The following MAVS variants were observed in gnomAD, a reference collection of about 807,000 sequenced individuals.
MAVS encodes the protein mitochondrial antiviral signaling protein, also known as mitochondrial antiviral-signaling protein.
MAVS carries 20 observed loss-of-function variants against 30.2 expected under a neutral mutation model. The observed-to-expected ratio is 0.66, with a 90% CI of 0.47 to 0.96. The LOEUF (loss-of-function observed/expected upper bound fraction) is 0.96, where lower values mean the gene tolerates loss of function less well. MAVS is among the 40% of genes least tolerant of loss of function. MAVS has a pLI of 0.00. For missense variants in MAVS, 624 were observed against 701.1 expected, an observed-to-expected ratio of 0.89 and a Z score of 1.24; for synonymous variants, 278 against 293.9, an observed-to-expected ratio of 0.95 and a Z score of 0.55.
rs577068943 is a variant in MAVS at position 3,863,890 on chromosome 20, G to C, written c.626-366G>C. Among the ~76,000 whole-genome samples, 38 of 152,308 alleles carry C rather than the reference G, an allele frequency of 2.5e-4. 1 individual carries two copies. The highest frequency in any genetic ancestry group is 9.1e-4 in the African/African-American group (38 of 41,574). On this transcript the variant is annotated intron_variant, in intron 5 of 6. Coordinates refer to ENST00000428216, the MANE Select transcript of MAVS (RefSeq NM_020746.5). ...TGGTAGGAGAGGGACAGCAGTGGGGGAAGTGTCCAGGATTGCATGAGGCTA... is the reference window on the plus strand; with the variant it reads ...TGGTAGGAGAGGGACAGCAGTGGGGCAAGTGTCCAGGATTGCATGAGGCTA...
Position 3,872,954 on chromosome 20 carries a change from G to A in MAVS, c.*6807G>A, listed in dbSNP as rs1295730003. 4 of 152,376 alleles carry A rather than the reference G, an allele frequency of 2.6e-5. No homozygotes were observed. The highest frequency in any genetic ancestry group is 9.7e-5 in the African/African-American group (4 of 41,432). The allele number at this position is 152,376 out of a possible 1,614,324, so 9.4% of individuals were successfully genotyped here. ...ACAGTAGGGGGTGGTTTAATGGAGT[G>A]TTCCTGGAATATGAAGTGGGGGCAG... On this transcript the variant is annotated 3_prime_UTR_variant, in exon 7 of 7. Transcript: ENST00000428216.
At chr20:3,862,111 C>G in intron 4 of MAVS, 143 bp from the exon 5 acceptor site, 1 of 893,768 alleles carries the variant, frequency 1.1e-6, no homozygotes. Context: ...CTGGGAATTA[C>G]CAGAACCCAG....
In MAVS at chr20:3,868,250, C is replaced by T. The variant is rs2089924477; in HGVS notation, c.*2103C>T. 1 of 152,460 alleles carries T rather than the reference C, an allele frequency of 6.6e-6. No homozygotes were observed. The highest frequency in any genetic ancestry group is 2.1e-4 in the South Asian group (1 of 4,830). The allele number at this position is 152,460 out of a possible 1,614,324, so 9.4% of individuals were successfully genotyped here. A position where few individuals can be genotyped will look rare whatever the true frequency, so the allele number is the denominator to read the frequency against. The stretch of plus-strand genomic sequence containing the variant: ...CCCTACCCTAAACCCCAGTTAGGTA[C>T]CCATGCTGGGCAGGTCAGTTAACAA... On this transcript the variant is annotated 3_prime_UTR_variant, in exon 7 of 7. Transcript: ENST00000428216.
chr20:3,859,703 G>A (rs980739891), intron 3 of MAVS, among the ~76,000 whole-genome samples: 6 of 152,004 alleles, frequency 3.9e-5, no homozygotes, highest in Admixed American at 1.3e-4. Flanking sequence ...CTGCTGACAC[G>A]GCGTGGGTGA....
rs1463269722 is a variant in MAVS at position 3,870,778 on chromosome 20, G to A, written c.*4631G>A. The A allele has an allele frequency of 6.7e-6, 1 of 150,088 alleles. No homozygotes were observed. Among genetic ancestry groups the A allele is most frequent in the Non-Finnish European group, 1.5e-5 (1 of 67,822 alleles). The allele number at this position is 150,088 out of a possible 1,614,324, so 9.3% of individuals were successfully genotyped here. On this transcript the variant is annotated 3_prime_UTR_variant, in exon 7 of 7. Coordinates refer to ENST00000428216, the MANE Select transcript of MAVS (RefSeq NM_020746.5). Reference sequence around the variant, plus strand: ...TTTCAAACACAAAAAAGTAGAGAGAGTAGAATAACAAATCCCCATGAGCCC... The same window carrying A: ...TTTCAAACACAAAAAAGTAGAGAGAATAGAATAACAAATCCCCATGAGCCC...
At chr20:3,863,174 A>T (rs2089879445) in intron 5 of MAVS, among the ~76,000 whole-genome samples, 1 of 151,984 alleles carries the variant, frequency 6.6e-6, no homozygotes, top group African/African-American at 2.4e-5. Context: ...AATCATGAAA[A>T]CTTCTCAGTC....
rs1297857949 is a variant in MAVS, at chr20:3,872,009, G to A, written c.*5862G>A. 1 of 152,272 alleles carries A rather than the reference G, an allele frequency of 6.6e-6. No homozygotes were observed. The highest frequency in any genetic ancestry group is 1.5e-5 in the Non-Finnish European group (1 of 68,034). The allele number at this position is 152,272 out of a possible 1,614,324, so 9.4% of individuals were successfully genotyped here. ...TACCATCTCAACCCAATTGACAGCTGGTTTGCAAGATTAGGAGGGATGAAG... is the reference window on the plus strand; with the variant it reads ...TACCATCTCAACCCAATTGACAGCTAGTTTGCAAGATTAGGAGGGATGAAG... On this transcript the variant is annotated 3_prime_UTR_variant, in exon 7 of 7. Coordinates refer to ENST00000428216, the MANE Select transcript of MAVS (RefSeq NM_020746.5).
chr20:3,857,483 C>T (rs1469289413), intron 2 of MAVS, 152 bp from the exon 3 acceptor site: 4 of 816,750 alleles, frequency 4.9e-6, no homozygotes, highest in Non-Finnish European at 7.6e-6. Flanking sequence ...CACTCCATAC[C>T]TGGCCCTGTC....
In MAVS at chr20:3,873,909, T is replaced by TG; in HGVS notation, c.*7765dup. On this transcript the variant is annotated 3_prime_UTR_variant, in exon 7 of 7. Transcript: ENST00000428216. ...TAAACTGATCCAGCAGTTCCACTCC[T>TG]GGGTATGTACACCACAGAAAGCTAT... 1 of 393,468 alleles carries TG rather than the reference T, an allele frequency of 2.5e-6. No homozygotes were observed. The highest frequency in any genetic ancestry group is 3.6e-5 in the East Asian group (1 of 27,764). 24.4% of individuals were successfully genotyped at this position (393,468 alleles called of 1,614,324 possible).
At chr20:3,863,006 C>T (rs961254106) in intron 5 of MAVS, among the ~76,000 whole-genome samples, 10 of 152,066 alleles carry the variant, frequency 6.6e-5, no homozygotes, top group Admixed American at 6.6e-5. Flanking sequence ...TGGAGATGAG[C>T]GAGATAAGTA....
chr20:3,857,031 G>A (rs1422197517), intron 2 of MAVS, among the ~76,000 whole-genome samples: 13 of 131,910 alleles, frequency 9.9e-5, no homozygotes, highest in South Asian at 2.4e-4. Flanking sequence ...GTGGGACTCC[G>A]TCTGAAAAAA....
rs550096422 is a variant in MAVS, at chr20:3,852,900, C to T, written c.-67-1658C>T. Among the ~76,000 whole-genome samples the T allele has an allele frequency of 6.9e-3, 959 of 138,958 alleles. 7 individuals are homozygous for T. The highest frequency in any genetic ancestry group is 0.011 in the Non-Finnish European group (717 of 66,466). 91.2% of individuals were successfully genotyped at this position (138,958 alleles called of 152,430 possible). ...TGCCGCCCAGGCTGGAGTGCAGTGG[C>T]GTGATCTCGGCTCACTACAACCTCC... On this transcript the variant is annotated intron_variant, in intron 1 of 6. Coordinates refer to ENST00000428216, the MANE Select transcript of MAVS (RefSeq NM_020746.5).
Position 3,866,913 on chromosome 20 carries a change from T to A in MAVS, c.*766T>A. On this transcript the variant is annotated 3_prime_UTR_variant, in exon 7 of 7. Transcript: ENST00000428216. ...GCAGAGCTCAGGCAGAGGTTTGGAT[T>A]TCAGCTCCCTCACTTCCGGGGCTGT... The A allele has an allele frequency of 4.4e-6, 2 of 457,114 alleles. No homozygotes were observed. The highest frequency in any genetic ancestry group is 8.8e-6 in the Non-Finnish European group (2 of 226,998). 28.3% of individuals were successfully genotyped at this position (457,114 alleles called of 1,614,324 possible).
Position 3,870,466 on chromosome 20 carries a change from T to C in MAVS, c.*4319T>C, listed in dbSNP as rs2089945584. ...AACAGTGCCACACCCTCGCCTTAAT[T>C]CCTTGCTAGGTGTTCTCAGATTTAT... On this transcript the variant is annotated 3_prime_UTR_variant, in exon 7 of 7. Transcript: ENST00000428216. 6.6e-6 allele frequency: 1 copy of C among 151,994 alleles called. No homozygotes were observed. Among genetic ancestry groups the C allele is most frequent in the Non-Finnish European group, 1.5e-5 (1 of 67,982 alleles). 9.4% of individuals were successfully genotyped at this position (151,994 alleles called of 1,614,324 possible).
At position 3,864,693 on chromosome 20, in the gene MAVS, C is replaced by T. The variant is rs773431150; in HGVS notation, c.1063C>T (p.Arg355Cys). ...ATCCAAATTGCCCATCAACTCAACC[C>T]GTGCTGGCATGGTGCCATCCAAAGT... ...APSKLPINSTRAGMVPSKVPT... is the reference protein window; with the variant it reads ...APSKLPINSTCAGMVPSKVPT... Residue 355 changes from arginine (R) to cysteine (C), a missense_variant, in exon 6 of 7, where the codon CGT becomes TGT. Arg to Cys is a radical substitution (Grantham distance 180, BLOSUM62 -3). Transcript: ENST00000428216. 5.6e-6 allele frequency: 9 copies of T among 1,614,258 alleles called. No individual in the cohort carries two copies. The highest frequency in any genetic ancestry group is 1.6e-4 in the Middle Eastern group (1 of 6,062).
At chr20:3,864,126 T>C in intron 5 of MAVS, 130 bp from the exon 6 acceptor site, 1 of 1,065,920 alleles carries the variant, frequency 9.4e-7, no homozygotes, top group South Asian at 1.5e-5. Context: ...TGGCATCTCC[T>C]CCAAGGGCAG....
At chr20:3,863,588 T>C (rs930680525) in intron 5 of MAVS, among the ~76,000 whole-genome samples, 10 of 152,160 alleles carry the variant, frequency 6.6e-5, no homozygotes, top group African/African-American at 2.4e-4. Context: ...GGGGGAGCTG[T>C]ACATCAGAAT....
chr20:3,856,481 A>G (rs531819944), intron 2 of MAVS, among the ~76,000 whole-genome samples: 4 of 149,878 alleles, frequency 2.7e-5, no homozygotes, highest in Non-Finnish European at 4.4e-5. Context: ...CCTCCTGAGT[A>G]GCTGGGATTA....
chr20:3,874,596 G>A lies in MAVS; in HGVS notation c.*8449G>A, dbSNP rs1448969837. ...GGAGGGGCATCTTTGGTTGGTTGGG[G>A]GGGTATATTTGGCTTTCTCTGGTTG... On this transcript the variant is annotated 3_prime_UTR_variant, in exon 7 of 7. Transcript: ENST00000428216. 2.8e-5 allele frequency: 5 copies of A among 178,488 alleles called. No homozygotes were observed. The highest frequency in any genetic ancestry group is 1.2e-5 in the Non-Finnish European group (1 of 85,918). 11.1% of individuals were successfully genotyped at this position (178,488 alleles called of 1,614,324 possible).
Sources: allele counts gnomAD v4.1 joint callset (sites outside exome capture counted in the v4.1 genomes callset), GRCh38; gene constraint gnomAD v4.1.1; transcripts MANE v1.5; gene names NCBI Gene and HGNC (gene_info 2026-07-23, HGNC 2026-07-21).